Variants in TMEM132C observed in about 807,000 individuals in gnomAD.
The protein encoded by TMEM132C is protein phosphatase 1, regulatory subunit 152.
In TMEM132C, 29 loss-of-function variants were observed where a neutral mutation model predicts 61.4. That is an observed-to-expected ratio of 0.47 (90% CI 0.35 to 0.64). TMEM132C has a LOEUF of 0.64. TMEM132C is among the 30% of genes least tolerant of loss of function. The pLI, the probability that TMEM132C is intolerant of heterozygous loss-of-function variation, is 0.00. For missense variants in TMEM132C, 1,408 were observed against 1,476.9 expected, an observed-to-expected ratio of 0.95 and a Z score of 0.76; for synonymous variants, 656 against 633.1, an observed-to-expected ratio of 1.04 and a Z score of -0.54.
At chr12:128,330,230 C>T (rs888259627) in intron 1 of TMEM132C, among the ~76,000 whole-genome samples, 5 of 152,148 alleles carry the variant, frequency 3.3e-5, no homozygotes, top group African/African-American at 1.2e-4. Flanking sequence ...ACATAAAGCC[C>T]CAGTCACAAC....
chr12:128,394,890 C>T (rs1228019784), intron 1 of TMEM132C, among the ~76,000 whole-genome samples: 2 of 144,604 alleles, frequency 1.4e-5, no homozygotes, highest in African/African-American at 5.3e-5. Context: ...TGTGTGAGTA[C>T]ACTCTCCCTT....
chr12:128,591,976 C>T (rs564224555), intron 3 of TMEM132C, among the ~76,000 whole-genome samples: 33 of 148,140 alleles, frequency 2.2e-4, no homozygotes, highest in Non-Finnish European at 4.2e-4. Flanking sequence ...CGCTTGAACC[C>T]GAGAGGCGGA....
intron 5 of TMEM132C, among the ~76,000 whole-genome samples, chr12:128,688,527 A>G (rs1371117663): frequency 6.6e-6 from 1 of 152,238 alleles, no homozygotes; most frequent in Admixed American, 6.5e-5. Context: ...AGAGAAATCC[A>G]AGTAAAACAT....
At chr12:128,314,706 T>C (rs928634738) in intron 1 of TMEM132C, among the ~76,000 whole-genome samples, 5 of 152,140 alleles carry the variant, frequency 3.3e-5, no homozygotes, top group African/African-American at 1.2e-4. Context: ...AGATTGGAGC[T>C]CAGGACTGCC....
chr12:128,602,206 T>C (rs1315753450), intron 3 of TMEM132C, among the ~76,000 whole-genome samples: 1 of 152,170 alleles, frequency 6.6e-6, no homozygotes, highest in Non-Finnish European at 1.5e-5. Flanking sequence ...ACCGTGTCTC[T>C]AAAATAAGAA....
In TMEM132C at chr12:128,669,592, C is replaced by T. The variant is rs150073399; in HGVS notation, c.1449+32C>T. ...CATTCCACAGCCAGCTGGATGGAAC[C>T]GGTGGGAACTTCACTTGGACATCCC... is the stretch of plus-strand genomic sequence containing the variant. On this transcript the variant is annotated intron_variant, in intron 5 of 8. Coordinates refer to ENST00000435159, the MANE Select transcript of TMEM132C (RefSeq NM_001136103.3). 680 of 1,545,828 alleles carry T rather than the reference C, an allele frequency of 4.4e-4. 4 individuals are homozygous for T. In the African/African-American group the frequency reaches 7.0e-3, roughly 16 times the overall value.
intron 4 of TMEM132C, among the ~76,000 whole-genome samples, chr12:128,650,542 A>C (rs1473040458): frequency 6.6e-6 from 1 of 152,126 alleles, no homozygotes; most frequent in Non-Finnish European, 1.5e-5. Flanking sequence ...TGGGCAACAT[A>C]GTGAGACCCC....
At chr12:128,679,590 C>G (rs1359582593) in intron 5 of TMEM132C, among the ~76,000 whole-genome samples, 1 of 152,164 alleles carries the variant, frequency 6.6e-6, no homozygotes, top group Non-Finnish European at 1.5e-5. Context: ...CTTTGTGGAC[C>G]TGACACCCAG....
chr12:128,559,644 A>G (rs1430767979), intron 3 of TMEM132C, among the ~76,000 whole-genome samples: 1 of 152,166 alleles, frequency 6.6e-6, no homozygotes, highest in Non-Finnish European at 1.5e-5. Context: ...TGACTTGGCT[A>G]TTGAGTGGCC....
intron 3 of TMEM132C, among the ~76,000 whole-genome samples, chr12:128,560,077 G>A (rs1033265386): frequency 4.6e-5 from 7 of 152,096 alleles, no homozygotes; most frequent in African/African-American, 1.7e-4. Context: ...GTGAGACCCT[G>A]TCTCTACAAA....
intron 2 of TMEM132C, among the ~76,000 whole-genome samples, chr12:128,427,506 A>T (rs1205727789): frequency 6.7e-6 from 1 of 148,502 alleles, no homozygotes; most frequent in East Asian, 2.0e-4. Context: ...TGTAGATGGG[A>T]TTGAGAGGGA....
chr12:128,609,147 C>T (rs1317297788), intron 3 of TMEM132C, among the ~76,000 whole-genome samples: 2 of 148,182 alleles, frequency 1.3e-5, no homozygotes, highest in African/African-American at 5.0e-5. Context: ...CACTGTAACC[C>T]CCGCCTCCCT....
intron 4 of TMEM132C, among the ~76,000 whole-genome samples, chr12:128,622,360 AATATATATATATAT>A (rs767066742): frequency 1.2e-3 from 35 of 30,128 alleles, no homozygotes; most frequent in South Asian, 0.011. Context: ...AAAAAAAAAA[AATATATATATATAT>A]ATATATATAT....
chr12:128,406,388 C>T lies in TMEM132C; in HGVS notation c.86-8344C>T, dbSNP rs563996028. Reference sequence around the variant, plus strand: ...GTACCCTGCTGGATAAACACACTATCCTTTTTCCCATGGAGCTTCCAGTCT... The same window carrying T: ...GTACCCTGCTGGATAAACACACTATTCTTTTTCCCATGGAGCTTCCAGTCT... On this transcript the variant is annotated intron_variant, in intron 1 of 8. Coordinates refer to ENST00000435159, the MANE Select transcript of TMEM132C (RefSeq NM_001136103.3). Among the ~76,000 whole-genome samples, 16 of 152,318 alleles carry T rather than the reference C, an allele frequency of 1.1e-4. No individual in the cohort carries two copies. In the South Asian group the frequency reaches 3.3e-3, roughly 32 times the overall value.
intron 1 of TMEM132C, among the ~76,000 whole-genome samples, chr12:128,368,454 A>G (rs571632635): frequency 6.6e-6 from 1 of 152,316 alleles, no homozygotes; most frequent in African/African-American, 2.4e-5. Flanking sequence ...CCCTTCCTAA[A>G]GTAGCGAAGA....
chr12:128,310,164 A>G (rs749241471), intron 1 of TMEM132C, among the ~76,000 whole-genome samples: 12 of 152,252 alleles, frequency 7.9e-5, no homozygotes, highest in African/African-American at 1.9e-4. Context: ...TAATGCTGCC[A>G]TGAACCTTCA....
Position 128,281,480 on chromosome 12 carries a change from A to G in TMEM132C, c.85+13993A>G, listed in dbSNP as rs1353602335. Among the ~76,000 whole-genome samples, 18 of 152,204 alleles carry G rather than the reference A, an allele frequency of 1.2e-4. 1 individual carries two copies. Among genetic ancestry groups the G allele is most frequent in the Admixed American group, 1.2e-3 (18 of 15,284 alleles). ...TTCTGGGTCTGTCACTGGGGCTAGT[A>G]AAATGTGTCTCATGGAGTTATTTAA... On this transcript the variant is annotated intron_variant, in intron 1 of 8. Coordinates refer to ENST00000435159, the MANE Select transcript of TMEM132C (RefSeq NM_001136103.3).
chr12:128,618,726 A>G (rs1565993375), intron 4 of TMEM132C, among the ~76,000 whole-genome samples: 1 of 152,170 alleles, frequency 6.6e-6, no homozygotes, highest in East Asian at 1.9e-4. Flanking sequence ...CATGTAAGAC[A>G]TGCTTTTTGC....
intron 4 of TMEM132C, among the ~76,000 whole-genome samples, chr12:128,658,423 G>C (rs1350387760): frequency 6.6e-6 from 1 of 152,316 alleles, no homozygotes; most frequent in African/African-American, 2.4e-5. Context: ...TGAGCGGTGT[G>C]CCTTCCCACT....
Sources: allele counts gnomAD v4.1 joint callset (sites outside exome capture counted in the v4.1 genomes callset), GRCh38; gene constraint gnomAD v4.1.1; transcripts MANE v1.5; gene names NCBI Gene and HGNC (gene_info 2026-07-23, HGNC 2026-07-21).